MAP2: variants seen among roughly 807,000 people sequenced by gnomAD.
The protein encoded by MAP2 is microtubule associated protein 2.
Under a neutral mutation model 137.6 loss-of-function variants are expected in MAP2, and 14 were observed. The observed-to-expected ratio is 0.10, with a 90% CI of 0.07 to 0.16. The LOEUF (loss-of-function observed/expected upper bound fraction) is 0.16, where lower values mean the gene tolerates loss of function less well. Ranked by LOEUF, MAP2 falls within the 10% of genes least tolerant of loss-of-function variation. The pLI is 1.00. For missense variants in MAP2, 2,088 were observed against 2,191.5 expected, an observed-to-expected ratio of 0.95 and a Z score of 0.94; for synonymous variants, 786 against 782.3, an observed-to-expected ratio of 1.00 and a Z score of -0.08.
intron 1 of MAP2, among the ~76,000 whole-genome samples, chr2:209,497,769 T>TCATG (rs2150073330): frequency 6.6e-6 from 1 of 152,148 alleles, no homozygotes; most frequent in East Asian, 1.9e-4. Flanking sequence ...TGACCAGATC[T>TCATG]CATGAAAACT....
At chr2:209,470,305 A>G (rs1325618554) in intron 1 of MAP2, among the ~76,000 whole-genome samples, 2 of 152,130 alleles carry the variant, frequency 1.3e-5, no homozygotes, top group Non-Finnish European at 2.9e-5. Context: ...GTGGTTTTAC[A>G]TATGGCAAGG....
chr2:209,662,817 C>T lies in MAP2; in HGVS notation c.262+9385C>T, dbSNP rs114954365. On this transcript the variant is annotated intron_variant, in intron 5 of 15. Coordinates refer to ENST00000682079, the MANE Select transcript of MAP2 (RefSeq NM_001375505.1). Reference sequence around the variant, plus strand: ...CCTTTATCTGTCCTTTGTTATATTTCGGAGTATTTTCTCCTCACAAAAGAG... The same window carrying T: ...CCTTTATCTGTCCTTTGTTATATTTTGGAGTATTTTCTCCTCACAAAAGAG... 9.3e-3 allele frequency among the ~76,000 whole-genome samples: 1,399 copies of T among 151,062 alleles called. 25 individuals are homozygous for T. The highest frequency in any genetic ancestry group is 0.031 in the African/African-American group (1,262 of 41,148).
chr2:209,536,223 A>G lies in MAP2; in HGVS notation c.-172+28582A>G, dbSNP rs536811156. On this transcript the variant is annotated intron_variant, in intron 2 of 15. Coordinates refer to ENST00000682079, the MANE Select transcript of MAP2 (RefSeq NM_001375505.1). ...AGGTGTTTTCAAGTATATTTCAGTT[A>G]TTTATGACATATGCAAATATAAAAT... is the stretch of plus-strand genomic sequence containing the variant. Among the ~76,000 whole-genome samples the G allele has an allele frequency of 1.3e-4, 20 of 152,322 alleles. No homozygotes were observed. In the South Asian group the frequency reaches 4.1e-3, roughly 32 times the overall value.
intron 5 of MAP2, among the ~76,000 whole-genome samples, chr2:209,657,605 G>A (rs1489555221): frequency 1.3e-5 from 2 of 151,560 alleles, no homozygotes; most frequent in African/African-American, 2.4e-5. Context: ...ATTCATGTCC[G>A]TTGCTCACTT....
chr2:209,546,228 G>A (rs2068037940), intron 2 of MAP2, among the ~76,000 whole-genome samples: 1 of 152,148 alleles, frequency 6.6e-6, no homozygotes, highest in South Asian at 2.1e-4. Flanking sequence ...AAATGTGTAT[G>A]GATGTTTTTA....
rs1381611941 is a variant in MAP2 at position 209,715,331 on chromosome 2, A to T, written c.5073+5077A>T. On this transcript the variant is annotated intron_variant, in intron 13 of 15. Coordinates refer to ENST00000682079, the MANE Select transcript of MAP2 (RefSeq NM_001375505.1). The stretch of plus-strand genomic sequence containing the variant: ...GGAGTTGTCTCCTATTACTTTGATA[A>T]TTCCAGAAATACAAAGTTTTACCTT... Among the ~76,000 whole-genome samples the T allele has an allele frequency of 4.6e-5, 7 of 152,148 alleles. No homozygotes were observed. The East Asian group carries it at 1.3e-3, about 29-fold the overall frequency.
At chr2:209,458,865 C>G (rs1454046321) in intron 1 of MAP2, among the ~76,000 whole-genome samples, 3 of 152,136 alleles carry the variant, frequency 2.0e-5, no homozygotes, top group African/African-American at 7.2e-5. Flanking sequence ...TCTAAGCTCT[C>G]TATACCTTAG....
chr2:209,467,879 G>T (rs1447670556), intron 1 of MAP2, among the ~76,000 whole-genome samples: 1 of 152,118 alleles, frequency 6.6e-6, no homozygotes. Flanking sequence ...TCATAGGTTG[G>T]TATGACGATT....
intron 12 of MAP2, among the ~76,000 whole-genome samples, chr2:209,706,276 A>T (rs1240194110): frequency 6.6e-6 from 1 of 152,150 alleles, no homozygotes; most frequent in African/African-American, 2.4e-5. Flanking sequence ...AACAGTTTAT[A>T]TAATGCTCCA....
intron 1 of MAP2, among the ~76,000 whole-genome samples, chr2:209,468,095 G>A (rs1231971649): frequency 9.8e-6 from 1 of 102,030 alleles, no homozygotes; most frequent in Non-Finnish European, 2.4e-5. Context: ...TGAGATTTTT[G>A]CTTTTTTTTT....
At chr2:209,642,781 T>A (rs1367775543) in intron 4 of MAP2, among the ~76,000 whole-genome samples, 1 of 152,214 alleles carries the variant, frequency 6.6e-6, no homozygotes, top group Admixed American at 6.6e-5. Context: ...CTGTTTTTCT[T>A]AGAAGACAAA....
At chr2:209,529,462 A>C (rs1006930224) in intron 2 of MAP2, among the ~76,000 whole-genome samples, 1 of 152,162 alleles carries the variant, frequency 6.6e-6, no homozygotes, top group Non-Finnish European at 1.5e-5. Flanking sequence ...GTAAGTGAGA[A>C]AAGCATATAT....
chr2:209,597,320 T>C (rs779215077), intron 3 of MAP2, among the ~76,000 whole-genome samples: 3 of 152,214 alleles, frequency 2.0e-5, no homozygotes, highest in African/African-American at 4.8e-5. Flanking sequence ...CATCATTTCA[T>C]CATCATTTCT....
intron 3 of MAP2, among the ~76,000 whole-genome samples, chr2:209,600,745 G>A (rs1580056647): frequency 1.3e-5 from 2 of 152,284 alleles, no homozygotes; most frequent in East Asian, 3.9e-4. Flanking sequence ...AGTGAGCTGG[G>A]AGTCAGCGGC....
At chr2:209,564,597 G>A (rs1269332668) in intron 2 of MAP2, among the ~76,000 whole-genome samples, 1 of 150,312 alleles carries the variant, frequency 6.7e-6, no homozygotes, top group Admixed American at 6.7e-5. Flanking sequence ...AAAGCCAGGG[G>A]TAGCCACAAC....
intron 2 of MAP2, among the ~76,000 whole-genome samples, chr2:209,548,698 G>T (rs1477916685): frequency 1.3e-5 from 2 of 152,136 alleles, no homozygotes. Flanking sequence ...CCAGGTGGAG[G>T]TAATTGAATC....
chr2:209,522,723 T>C (rs532501693), intron 2 of MAP2, among the ~76,000 whole-genome samples: 1 of 152,306 alleles, frequency 6.6e-6, no homozygotes, highest in Admixed American at 6.5e-5. Flanking sequence ...TGTTTTTGTT[T>C]ATTTACCTTT....
Position 209,653,184 on chromosome 2 carries a change from G to T in MAP2, c.14G>T (p.Arg5Leu). MADE[R>L]KDEAKAPHWT... Reference sequence around the variant, plus strand: ...AGGCATTGAAGAATGGCAGATGAACGGAAAGATGAAGCAAAGGCACCTCAC... The same window carrying T: ...AGGCATTGAAGAATGGCAGATGAACTGAAAGATGAAGCAAAGGCACCTCAC... The change falls in exon 5 of 16, where the codon CGG (arginine) becomes CTG (leucine). Residue 5 changes from arginine (R) to leucine (L), a missense_variant. Physicochemically the swap from Arg to Leu is moderately radical, Grantham distance 102. Transcript: ENST00000682079. 3 of 1,597,098 alleles carry T rather than the reference G, an allele frequency of 1.9e-6. No individual in the cohort carries two copies. Among genetic ancestry groups the T allele is most frequent in the South Asian group, 2.3e-5 (2 of 88,174 alleles).
chr2:209,605,771 C>T (rs1298357236), intron 3 of MAP2, among the ~76,000 whole-genome samples: 3 of 152,108 alleles, frequency 2.0e-5, no homozygotes, highest in African/African-American at 7.2e-5. Context: ...CCCTTTTTCA[C>T]TGGTAACCGG....
Sources: allele counts gnomAD v4.1 joint callset (sites outside exome capture counted in the v4.1 genomes callset), GRCh38; gene constraint gnomAD v4.1.1; transcripts MANE v1.5; gene names NCBI Gene and HGNC (gene_info 2026-07-23, HGNC 2026-07-21).